The following TJP3 variants were observed in gnomAD, a reference collection of about 807,000 sequenced individuals.
The protein encoded by TJP3 is tight junction protein 3, also known as tight junction protein ZO-3.
A neutral mutation model predicts 104.2 loss-of-function variants in TJP3; 85 were observed. The ratio of observed to expected loss-of-function variants is 0.82; its 90% CI spans 0.68 to 0.98. TJP3 has a LOEUF of 0.98. TJP3 is among the 50% of genes least tolerant of loss of function. The pLI is 0.00. For synonymous variants in TJP3, 550 were observed against 550.6 expected (o/e 1.00, Z 0.02); for missense variants, 1,367 against 1,322.8 (o/e 1.03, Z -0.52).
At chr19:3,736,410 G>A in intron 11 of TJP3, 89 bp downstream of exon 11, 1 of 1,336,538 alleles carries the variant, frequency 7.5e-7, no homozygotes, top group African/African-American at 1.5e-5. Context: ...CTCCCCTTGG[G>A]TCCACCTGGG....
chr19:3,729,211 T>C (rs1485973988), intron 3 of TJP3, among the ~76,000 whole-genome samples: 2 of 152,102 alleles, frequency 1.3e-5, no homozygotes, highest in Admixed American at 1.3e-4. Flanking sequence ...CTTGGGGTCA[T>C]AGTGGCCCCA....
rs754104315 is a variant in TJP3 at position 3,738,645 on chromosome 19, A to G, written c.1375A>G (p.Thr459Ala). Residue 459 changes from threonine to alanine, a missense_variant, in exon 12 of 21, where the codon ACG becomes GCG. Transcript: ENST00000541714. ...ACCAGGCGAGGAGATGGAGCTGGTG[A>G]CGCAGAGGAAGCAGGACAGTGAGTG... Reference protein sequence around the residue: ...LPPGEEMELVTQRKQDIFWKM... With the variant: ...LPPGEEMELVAQRKQDIFWKM... 2 of 1,613,648 alleles carry G rather than the reference A, an allele frequency of 1.2e-6. No homozygotes were observed. The highest frequency in any genetic ancestry group is 1.7e-4 in the Middle Eastern group (1 of 5,874).
intron 1 of TJP3, among the ~76,000 whole-genome samples, chr19:3,726,182 A>T (rs1047927414): frequency 1.3e-5 from 2 of 152,110 alleles, no homozygotes; most frequent in South Asian, 4.1e-4. Flanking sequence ...CACTCCCTCC[A>T]CCTGTCCCCT....
intron 1 of TJP3, among the ~76,000 whole-genome samples, chr19:3,724,417 G>C (rs1010747854): frequency 6.6e-6 from 1 of 152,092 alleles, no homozygotes; most frequent in African/African-American, 2.4e-5. Context: ...GGATAGTCTC[G>C]ATCTCCTGAC....
In TJP3 at chr19:3,743,999, T is replaced by A; in HGVS notation, c.1904T>A (p.Leu635Ter). The change falls in exon 15 of 21, where the codon TTG becomes TAG. Residue 635 changes from leucine (L) to a stop codon, truncating the protein, a stop_gained. Transcript: ENST00000541714. LOFTEE classifies it high-confidence loss of function. ...GPVADIAMQKLTAEMPDQFEI... is the reference protein window; with the variant it reads ...GPVADIAMQK The stretch of plus-strand genomic sequence containing the variant: ...GTGGCCGACATTGCTATGCAGAAGT[T>A]GACTGCTGAGATGCCTGACCAGTTT... The A allele has an allele frequency of 6.2e-7, 1 of 1,614,138 alleles. No homozygotes were observed. Among genetic ancestry groups the A allele is most frequent in the East Asian group, 2.2e-5 (1 of 44,888 alleles).
chr19:3,735,739 G>T, intron 9 of TJP3, 100 bp downstream of exon 9: 1 of 1,581,312 alleles, frequency 6.3e-7, no homozygotes. Flanking sequence ...GAGCCTAAGT[G>T]GTGAGACATG....
At chr19:3,728,507 T>C (rs2036627329) in intron 2 of TJP3, 27 bp downstream of exon 2, 1 of 1,605,364 alleles carries the variant, frequency 6.2e-7, no homozygotes, top group African/African-American at 1.3e-5. Flanking sequence ...CCTGTCTGGG[T>C]GCCAGAGAGT....
chr19:3,730,773 C>T lies in TJP3; in HGVS notation c.613+67C>T, dbSNP rs1023498292. On this transcript the variant is annotated intron_variant, in intron 5 of 20. Transcript: ENST00000541714. This position sits in a 1 kb window ranked among gnomAD's most constrained non-coding sequence, Gnocchi z 7.3. The stretch of plus-strand genomic sequence containing the variant: ...CAGGGCACCGTGGTCGGATGGGCGA[C>T]GGTTTCAAGTGATTCTCCTGCCTCA... 69 of 1,479,784 alleles carry T rather than the reference C, an allele frequency of 4.7e-5. No homozygotes were observed. Among genetic ancestry groups the T allele is most frequent in the Non-Finnish European group, 5.8e-5 (64 of 1,107,784 alleles). The allele number at this position is 1,479,784 out of a possible 1,614,324, so 91.7% of individuals were successfully genotyped here.
intron 13 of TJP3, among the ~76,000 whole-genome samples, chr19:3,739,875 C>G (rs1160235549): frequency 1.3e-5 from 2 of 152,088 alleles, no homozygotes; most frequent in Admixed American, 6.6e-5. Flanking sequence ...TTGTGAGGAC[C>G]CTGTGAGGAC....
In TJP3 at chr19:3,716,801, A is replaced by ATT. The variant is rs1215459660; in HGVS notation, c.-10+8255_-10+8256dup. ...CATACATATATATATATATATATAT[A>ATT]TTTTTTTTTTTTTTTTGAAACAGAG... On this transcript the variant is annotated intron_variant, in intron 1 of 20. Transcript: ENST00000541714. Among the ~76,000 whole-genome samples the ATT allele has an allele frequency of 6.9e-3, 562 of 81,910 alleles. 31 individuals are homozygous for ATT. The highest frequency in any genetic ancestry group is 0.017 in the Middle Eastern group (3 of 172). 53.7% of individuals were successfully genotyped at this position (81,910 alleles called of 152,430 possible).
At chr19:3,717,934 G>A (rs1223790909) in intron 1 of TJP3, among the ~76,000 whole-genome samples, 4 of 86,062 alleles carry the variant, frequency 4.6e-5, no homozygotes, top group East Asian at 4.7e-4. Context: ...AAAAAAAAAA[G>A]GCCGGGCACG....
intron 1 of TJP3, among the ~76,000 whole-genome samples, chr19:3,713,349 A>G (rs1380850888): frequency 2.0e-5 from 3 of 152,212 alleles, no homozygotes; most frequent in African/African-American, 7.2e-5. Context: ...CAGTCTAGTC[A>G]TGAGGGAAAC....
rs1412877985 is a variant in TJP3 at position 3,748,072 on chromosome 19, G to T, written c.2601G>T (p.Gln867His). Reference protein sequence around the residue: ...PRDRGRISAHQGAQVDSRHPQ... With the variant: ...PRDRGRISAHHGAQVDSRHPQ... The stretch of plus-strand genomic sequence containing the variant: ...ATCGTGGGAGAATCTCGGCTCATCA[G>T]GGGGCCCAGGTGCGTCGGACATGGG... The change falls in exon 19 of 21, where the codon CAG (glutamine) becomes CAT (histidine). Residue 867 changes from glutamine to histidine, a missense_variant. Coordinates refer to ENST00000541714, the MANE Select transcript of TJP3 (RefSeq NM_001267560.2). The T allele has an allele frequency of 1.3e-6, 2 of 1,567,476 alleles. No individual in the cohort carries two copies. The highest frequency in any genetic ancestry group is 2.4e-5 in the East Asian group (1 of 42,366).
intron 8 of TJP3, 119 bp from the exon 9 acceptor site, chr19:3,735,447 C>A: frequency 1.0e-6 from 1 of 994,830 alleles, no homozygotes; most frequent in Non-Finnish European, 1.6e-6. Flanking sequence ...GATCTGCCCA[C>A]CTCGACCTCC....
chr19:3,735,616 C>T lies in TJP3; in HGVS notation c.1037C>T (p.Ser346Leu), dbSNP rs781564316. Residue 346 changes from serine (S) to leucine (L), a missense_variant, in exon 9 of 21, where the codon TCG (serine) becomes TTG (leucine). Coordinates refer to ENST00000541714, the MANE Select transcript of TJP3 (RefSeq NM_001267560.2). ...AGTTCAGTAGATTCCAGAACCATCT[C>T]GGAACCAGATGAGCAACGGTCAGGT... ...RESSVDSRTI[S>L]EPDEQRSELP... 5.0e-6 allele frequency: 8 copies of T among 1,614,088 alleles called. No homozygotes were observed. Among genetic ancestry groups the T allele is most frequent in the Admixed American group, 3.3e-5 (2 of 59,994 alleles).
At position 3,728,615 on chromosome 19, in the gene TJP3, G is replaced by C; in HGVS notation, c.60G>C (p.Arg20=). The C allele has an allele frequency of 1.9e-6, 3 of 1,613,020 alleles. No individual in the cohort carries two copies. Among genetic ancestry groups the C allele is most frequent in the South Asian group, 1.1e-5 (1 of 90,616 alleles). Residue 20 remains arginine, a synonymous_variant, in exon 3 of 21, where the codon CGG becomes CGC. Transcript: ENST00000541714. ...HTATLSKDPR[R]GFGIAISGGR... ...TCATCCTCTCTCAGGACCCCCGCCGGGGCTTTGGCATTGCGATCTCTGGAG... is the reference window on the plus strand; with the variant it reads ...TCATCCTCTCTCAGGACCCCCGCCGCGGCTTTGGCATTGCGATCTCTGGAG...
Position 3,746,702 on chromosome 19 carries a change from G to C in TJP3, c.2221+7G>C, listed in dbSNP as rs2036898045. The C allele has an allele frequency of 6.2e-7, 1 of 1,608,736 alleles. No individual in the cohort carries two copies. The highest frequency in any genetic ancestry group is 2.2e-5 in the East Asian group (1 of 44,666). Reference sequence around the variant, plus strand: ...AGCAGCCACCTCTTCACAGGTTGGGGGGTGGGTGTCCCAGGGTAGGCGGGT... The same window carrying C: ...AGCAGCCACCTCTTCACAGGTTGGGCGGTGGGTGTCCCAGGGTAGGCGGGT... On this transcript the variant is annotated splice_region_variant and intron_variant, in intron 17 of 20. Coordinates refer to ENST00000541714, the MANE Select transcript of TJP3 (RefSeq NM_001267560.2). This position sits in a 1 kb window ranked among gnomAD's most constrained non-coding sequence, Gnocchi z 4.1.
In TJP3 at chr19:3,748,046, G is replaced by A. The variant is rs765093977; in HGVS notation, c.2575G>A (p.Asp859Asn). Residue 859 changes from aspartate to asparagine, a missense_variant, in exon 19 of 21, where the codon GAT becomes AAT. Transcript: ENST00000541714. ...VQADESQSPRDRGRISAHQGA... is the reference protein window; with the variant it reads ...VQADESQSPRNRGRISAHQGA... ...GGCAGATGAGTCCCAGAGCCCGAGG[G>A]ATCGTGGGAGAATCTCGGCTCATCA... 6.3e-7 allele frequency: 1 copy of A among 1,588,536 alleles called. No individual in the cohort carries two copies. The highest frequency in any genetic ancestry group is 8.6e-7 in the Non-Finnish European group (1 of 1,167,666).
At chr19:3,714,866 G>A (rs1372125485) in intron 1 of TJP3, among the ~76,000 whole-genome samples, 2 of 152,134 alleles carry the variant, frequency 1.3e-5, no homozygotes, top group Non-Finnish European at 2.9e-5. Flanking sequence ...ACCCTGCTCA[G>A]ATCACACTGG....
Sources: allele counts gnomAD v4.1 joint callset (sites outside exome capture counted in the v4.1 genomes callset), GRCh38; gene constraint gnomAD v4.1.1; non-coding constraint Gnocchi (gnomAD v3.1); transcripts MANE v1.5; gene names NCBI Gene and HGNC (gene_info 2026-07-23, HGNC 2026-07-21).